The following LARGE1 variants were observed in gnomAD, a reference collection of about 807,000 sequenced individuals.
The protein encoded by LARGE1 is LARGE xylosyl- and glucuronyltransferase 1.
LARGE1 carries 43 observed loss-of-function variants against 87.6 expected under a neutral mutation model. The ratio of observed to expected loss-of-function variants is 0.49; its 90% CI spans 0.38 to 0.63. The LOEUF is 0.63. Ranked by LOEUF, LARGE1 falls within the 30% of genes least tolerant of loss-of-function variation. LARGE1 has a pLI of 0.00. For missense variants in LARGE1, 802 were observed against 1,000.2 expected (o/e 0.80, Z 2.67); for synonymous variants, 434 against 394.6 (o/e 1.10, Z -1.18).
chr22:33,508,036 G>C (rs529655920), intron 6 of LARGE1, among the ~76,000 whole-genome samples: 8 of 152,290 alleles, frequency 5.3e-5, no homozygotes, highest in South Asian at 2.1e-4. Flanking sequence ...AACAGAAACA[G>C]CCACACTTCC....
chr22:33,552,406 T>C lies in LARGE1; in HGVS notation c.787+12442A>G, dbSNP rs186190979. ...ACAGTCAGTCTCCACATGGGAGGGCTTACCAAGAGATGGCACCTATCTCAA... is the reference window on the plus strand; with the variant it reads ...ACAGTCAGTCTCCACATGGGAGGGCCTACCAAGAGATGGCACCTATCTCAA... On this transcript the variant is annotated intron_variant, in intron 6 of 14. Coordinates refer to ENST00000397394, the MANE Select transcript of LARGE1 (RefSeq NM_133642.5). Among the ~76,000 whole-genome samples, 292 of 152,032 alleles carry C rather than the reference T, an allele frequency of 1.9e-3. 1 individual carries two copies. Among genetic ancestry groups the C allele is most frequent in the Non-Finnish European group, 7.1e-4 (48 of 68,004 alleles).
chr22:33,633,457 A>G (rs2080170452), intron 3 of LARGE1, among the ~76,000 whole-genome samples: 1 of 152,214 alleles, frequency 6.6e-6, no homozygotes, highest in Non-Finnish European at 1.5e-5. Context: ...AGCAGGAAAG[A>G]ATCCTCAGGG....
chr22:33,885,365 G>T (rs971016838), intron 1 of LARGE1, among the ~76,000 whole-genome samples: 11 of 152,214 alleles, frequency 7.2e-5, no homozygotes, highest in African/African-American at 2.7e-4. Flanking sequence ...CCCAGGAGTA[G>T]AATTGGGGTA....
At chr22:33,370,821 T>C (rs1284708092) in intron 9 of LARGE1, among the ~76,000 whole-genome samples, 1 of 149,694 alleles carries the variant, frequency 6.7e-6, no homozygotes, top group Non-Finnish European at 1.5e-5. Context: ...ATCAATAATT[T>C]AACACTGTTA....
chr22:33,135,163 G>T, the LARGE1 span, among the ~76,000 whole-genome samples: 153 of 152,348 alleles, frequency 1.0e-3, no homozygotes, highest in African/African-American at 3.6e-3. Context: ...GAACAGGCCT[G>T]CAGAAGTCAT....
intron 5 of LARGE1, among the ~76,000 whole-genome samples, chr22:33,566,523 C>A (rs892374482): frequency 6.6e-6 from 1 of 152,134 alleles, no homozygotes; most frequent in East Asian, 1.9e-4. Context: ...AAGCTGTGGA[C>A]CTTTGTGGTG....
At chr22:33,809,185 C>T (rs1158471447) in intron 1 of LARGE1, among the ~76,000 whole-genome samples, 1 of 151,806 alleles carries the variant, frequency 6.6e-6, no homozygotes, top group African/African-American at 2.4e-5. Flanking sequence ...GGCAAGAGAA[C>T]TGCTTGAACC....
chr22:33,250,515 TTCTTG>T (rs1332173347), intron 11 of LARGE1, among the ~76,000 whole-genome samples: 15 of 152,232 alleles, frequency 9.9e-5, no homozygotes, highest in Non-Finnish European at 1.3e-4. Flanking sequence ...TTCTTTCCTT[TTCTTG>T]TCTTATTACA....
intron 6 of LARGE1, among the ~76,000 whole-genome samples, chr22:33,483,969 A>G (rs2069451479): frequency 6.6e-6 from 1 of 152,140 alleles, no homozygotes; most frequent in Non-Finnish European, 1.5e-5. Context: ...GACGGCCGGA[A>G]GTTTAGACTT....
At chr22:33,219,379 C>G (rs567257847) in intron 11 of LARGE1, among the ~76,000 whole-genome samples, 2 of 152,332 alleles carry the variant, frequency 1.3e-5, no homozygotes, top group South Asian at 4.1e-4. Flanking sequence ...CATGGGACCT[C>G]ACTCCAGATT....
chr22:33,757,358 T>C (rs1293460559), intron 2 of LARGE1, among the ~76,000 whole-genome samples: 1 of 152,194 alleles, frequency 6.6e-6, no homozygotes, highest in Non-Finnish European at 1.5e-5. Flanking sequence ...TTCAGTTCAC[T>C]TACATCAGAC....
intron 10 of LARGE1, among the ~76,000 whole-genome samples, chr22:33,320,106 C>G (rs551451006): frequency 6.6e-6 from 1 of 152,346 alleles, no homozygotes; most frequent in East Asian, 1.9e-4. Context: ...CTCATTCCAT[C>G]TAAGATCTAT....
chr22:33,474,615 G>A (rs2068994068), intron 6 of LARGE1, among the ~76,000 whole-genome samples: 1 of 152,182 alleles, frequency 6.6e-6, no homozygotes, highest in African/African-American at 2.4e-5. Context: ...AGACCTCACT[G>A]TTATCAGGAC....
intron 6 of LARGE1, among the ~76,000 whole-genome samples, chr22:33,513,138 C>T (rs1005761758): frequency 1.3e-5 from 2 of 152,008 alleles, no homozygotes; most frequent in African/African-American, 4.8e-5. Context: ...AATCAAACCA[C>T]TAGAAGTGAG....
At chr22:33,693,147 C>G (rs763410821) in intron 2 of LARGE1, among the ~76,000 whole-genome samples, 2 of 152,180 alleles carry the variant, frequency 1.3e-5, no homozygotes, top group African/African-American at 4.8e-5. Context: ...GACACAAGAA[C>G]AGAAAACCAA....
chr22:33,311,054 G>A (rs934617881), intron 11 of LARGE1, among the ~76,000 whole-genome samples: 22 of 151,232 alleles, frequency 1.5e-4, no homozygotes, highest in Non-Finnish European at 1.2e-4. Flanking sequence ...TCCGCCTCCC[G>A]GGTTCACACC....
chr22:33,345,473 C>A lies in LARGE1; in HGVS notation c.1132-7672G>T, dbSNP rs559469151. Among the ~76,000 whole-genome samples the A allele has an allele frequency of 7.9e-5, 12 of 152,350 alleles. No homozygotes were observed. In the South Asian group the frequency reaches 2.5e-3, roughly 32 times the overall value. ...GATGATTTAGGATTTCCCAGATACACAGGCAGAGCCTCCAGTCTGGCAGGA... is the reference window on the plus strand; with the variant it reads ...GATGATTTAGGATTTCCCAGATACAAAGGCAGAGCCTCCAGTCTGGCAGGA... On this transcript the variant is annotated intron_variant, in intron 9 of 14. Transcript: ENST00000397394.
intron 11 of LARGE1, among the ~76,000 whole-genome samples, chr22:33,262,731 G>T (rs1379210708): frequency 6.6e-6 from 1 of 152,008 alleles, no homozygotes; most frequent in Non-Finnish European, 1.5e-5. Flanking sequence ...TCCCTCTGCA[G>T]ACATCCTTTC....
At chr22:33,266,181 G>A (rs1927922510) in intron 11 of LARGE1, among the ~76,000 whole-genome samples, 1 of 148,798 alleles carries the variant, frequency 6.7e-6, no homozygotes, top group South Asian at 2.1e-4. Context: ...GCAAACATGA[G>A]CACTGGGGCC....
Sources: gnomAD v4.1 joint callset for allele counts (sites outside exome capture counted in the v4.1 genomes callset) on GRCh38, gnomAD v4.1.1 for gene constraint, MANE v1.5 for transcripts, NCBI Gene and HGNC (gene_info 2026-07-23, HGNC 2026-07-21) for gene names.